Variants in MNS1 observed in about 807,000 individuals in gnomAD.
MNS1 encodes the protein meiosis-specific nuclear structural protein 1.
MNS1 carries 63 observed loss-of-function variants against 72.0 expected under a neutral mutation model. That is an observed-to-expected ratio of 0.87 (90% CI 0.71 to 1.08). The LOEUF (loss-of-function observed/expected upper bound fraction) is 1.08, where lower values mean the gene tolerates loss of function less well. Ranked by LOEUF, MNS1 falls within the 50% of genes least tolerant of loss-of-function variation. The probability of loss-of-function intolerance (pLI) is 0.00; values close to 1 mark genes in which losing one functional copy is unlikely to be tolerated. For synonymous variants in MNS1, 188 were observed against 172.1 expected (o/e 1.09, Z -0.72); for missense variants, 604 against 562.4 (o/e 1.07, Z -0.75).
intron 2 of MNS1, among the ~76,000 whole-genome samples, chr15:56,460,797 TC>T (rs1303133368): frequency 2.6e-5 from 4 of 152,156 alleles, no homozygotes; most frequent in Non-Finnish European, 5.9e-5. Flanking sequence ...TAACAGCGCT[TC>T]CTGGCACAAT....
chr15:56,429,050 C>A lies in MNS1; in HGVS notation c.*51G>T. On this transcript the variant is annotated 3_prime_UTR_variant, in exon 10 of 10. Transcript: ENST00000260453. Reference sequence around the variant, plus strand: ...AACTGTAAAACAAAAGTTATGCTGACATCTAGTGGTAACATGCAAAAAATC... The same window carrying A: ...AACTGTAAAACAAAAGTTATGCTGAAATCTAGTGGTAACATGCAAAAAATC... The A allele has an allele frequency of 8.5e-7, 1 of 1,180,302 alleles. No individual in the cohort carries two copies. Among genetic ancestry groups the A allele is most frequent in the Non-Finnish European group, 1.2e-6 (1 of 823,028 alleles). The allele number at this position is 1,180,302 out of a possible 1,614,324, so 73.1% of individuals were successfully genotyped here.
intron 3 of MNS1, 37 bp from the exon 4 acceptor site, chr15:56,446,980 A>G: frequency 7.0e-7 from 1 of 1,432,110 alleles, no homozygotes; most frequent in South Asian, 1.2e-5. Context: ...AAATGTTAGG[A>G]CCATAAGAGA....
intron 7 of MNS1, among the ~76,000 whole-genome samples, chr15:56,436,338 A>G (rs1024857469): frequency 1.3e-5 from 2 of 152,204 alleles, no homozygotes; most frequent in Admixed American, 6.5e-5. Flanking sequence ...AAAGTGAACA[A>G]CCTGCTCCTG....
chr15:56,431,449 A>G lies in MNS1; in HGVS notation c.1319T>C (p.Ile440Thr). ...CCTTTCTTCTTCAATAATTGCATTA[A>G]TAAATCCTTGCCGCCTTTGCTGCAA... ...WQLQQRRQGF[I>T]NAIIEEERLK... The change falls in exon 9 of 10, where the codon ATT becomes ACT. Residue 440 changes from isoleucine (I) to threonine (T), a missense_variant. By Grantham distance (89) the Ile-to-Thr change is moderately conservative (BLOSUM62 -1). Transcript: ENST00000260453. 1 of 1,613,760 alleles carries G rather than the reference A, an allele frequency of 6.2e-7. No individual in the cohort carries two copies. Among genetic ancestry groups the G allele is most frequent in the Non-Finnish European group, 8.5e-7 (1 of 1,179,908 alleles).
intron 7 of MNS1, among the ~76,000 whole-genome samples, chr15:56,435,662 G>A (rs1272636914): frequency 3.3e-5 from 5 of 151,896 alleles, no homozygotes; most frequent in Admixed American, 2.6e-4. Flanking sequence ...CACTATTAAG[G>A]AGACGGAATT....
chr15:56,443,362 C>A (rs2050851242), intron 7 of MNS1, 68 bp downstream of exon 7: 10 of 1,189,554 alleles, frequency 8.4e-6, no homozygotes, highest in South Asian at 1.7e-5. Context: ...TGTACTATCT[C>A]TTTTCTGCTT....
At chr15:56,432,839 A>G (rs1295975954) in intron 8 of MNS1, among the ~76,000 whole-genome samples, 1 of 151,970 alleles carries the variant, frequency 6.6e-6, no homozygotes, top group Non-Finnish European at 1.5e-5. Flanking sequence ...CATTATTTTG[A>G]CTCCTACTTT....
At chr15:56,434,602 C>G (rs948065073) in intron 7 of MNS1, among the ~76,000 whole-genome samples, 6 of 152,060 alleles carry the variant, frequency 3.9e-5, no homozygotes, top group African/African-American at 1.2e-4. Flanking sequence ...TTCTGTTACT[C>G]ATGAACAAAT....
Position 56,429,109 on chromosome 15 carries a change from C to A in MNS1, c.1480G>T (p.Glu494Ter). The A allele has an allele frequency of 1.9e-6, 3 of 1,586,450 alleles. No individual in the cohort carries two copies. The highest frequency in any genetic ancestry group is 2.6e-6 in the Non-Finnish European group (3 of 1,164,180). The change falls in exon 10 of 10, where the codon GAG (glutamate) becomes TAG (stop). Residue 494 changes from glutamate (E) to a stop codon, truncating the protein, a stop_gained. Coordinates refer to ENST00000260453, the MANE Select transcript of MNS1 (RefSeq NM_018365.4). LOFTEE classifies it high-confidence loss of function. ...VYQQRSEICEEK is the reference protein window; with the variant it reads ...VYQQRSEICE ...ACCCAATTTTGATGATATCATTTCTCTTCACAAATTTCACTCCTTTGTTGA... is the reference window on the plus strand; with the variant it reads ...ACCCAATTTTGATGATATCATTTCTATTCACAAATTTCACTCCTTTGTTGA...
chr15:56,462,018 G>C (rs1258564539), intron 2 of MNS1, among the ~76,000 whole-genome samples: 2 of 139,196 alleles, frequency 1.4e-5, no homozygotes, highest in African/African-American at 2.7e-5. Flanking sequence ...TTTGTGGGGT[G>C]GGGGCAGGGG....
intron 3 of MNS1, among the ~76,000 whole-genome samples, chr15:56,451,861 A>C (rs571808978): frequency 3.3e-5 from 5 of 152,194 alleles, no homozygotes; most frequent in Non-Finnish European, 4.4e-5. Flanking sequence ...ATACCTAAGC[A>C]TATAAAGATT....
Position 56,434,126 on chromosome 15 carries a change from A to G in MNS1, c.1269+12T>C, listed in dbSNP as rs1257999898. On this transcript the variant is annotated intron_variant, in intron 8 of 9. Coordinates refer to ENST00000260453, the MANE Select transcript of MNS1 (RefSeq NM_018365.4). ...TGATAATGACCAAAAAAACCCCACA[A>G]CTTTTTCTTACTTTGTCTGCAAGGA... 1 of 1,605,498 alleles carries G rather than the reference A, an allele frequency of 6.2e-7. No individual in the cohort carries two copies. The highest frequency in any genetic ancestry group is 1.1e-5 in the South Asian group (1 of 89,336).
Position 56,443,439 on chromosome 15 carries a change from G to T in MNS1, c.1002C>A (p.Ser334Arg). Reference sequence around the variant, plus strand: ...CATTTCTGAAACTTACTTTTAGCTTGCTCTTATATATTTCAGCTTGTTCTT... The same window carrying T: ...CATTTCTGAAACTTACTTTTAGCTTTCTCTTATATATTTCAGCTTGTTCTT... ...YQEEQAEIYK[S>R]KLKEEAEKKL... Residue 334 changes from serine to arginine, a missense_variant, in exon 7 of 10, where the codon AGC becomes AGA. Transcript: ENST00000260453. The T allele has an allele frequency of 6.4e-7, 1 of 1,566,178 alleles. No homozygotes were observed. The highest frequency in any genetic ancestry group is 8.6e-7 in the Non-Finnish European group (1 of 1,164,050).
chr15:56,444,659 T>C lies in MNS1; in HGVS notation c.471A>G (p.Glu157=). ...IKYEQMKRDA[E]IAKTMMEEHK... is the part of the protein sequence containing the mutation. ...GTTCTTCCATCATGGTTTTGGCTAT[T>C]TCAGCATCACGTTTCTGTTATTAAA... The change falls in exon 5 of 10, where the codon GAA becomes GAG. Residue 157 remains glutamate (E), a synonymous_variant. Transcript: ENST00000260453. 1 of 1,611,238 alleles carries C rather than the reference T, an allele frequency of 6.2e-7. No individual in the cohort carries two copies.
chr15:56,464,313 T>C (rs898319216), intron 1 of MNS1, 66 bp from the exon 2 acceptor site: 3 of 1,159,592 alleles, frequency 2.6e-6, no homozygotes, highest in Admixed American at 2.2e-5. Flanking sequence ...AAAAATGTAT[T>C]GATATAAACC....
chr15:56,433,443 A>C (rs1477968095), intron 8 of MNS1, among the ~76,000 whole-genome samples: 1 of 152,046 alleles, frequency 6.6e-6, no homozygotes, highest in Non-Finnish European at 1.5e-5. Context: ...ATAATTAAAA[A>C]GATGGAATGA....
Position 56,434,323 on chromosome 15 carries a change from C to T in MNS1, c.1084G>A (p.Glu362Lys), listed in dbSNP as rs759787833. 6.2e-7 allele frequency: 1 copy of T among 1,613,590 alleles called. No homozygotes were observed. Among genetic ancestry groups the T allele is most frequent in the African/African-American group, 1.3e-5 (1 of 74,906 alleles). The change falls in exon 8 of 10, where the codon GAA becomes AAA. Residue 362 changes from glutamate to lysine, a missense_variant. Transcript: ENST00000260453. ...QDFEEQMALK[E>K]LVLQAAKEEE... ...TCTTTTGCAGCCTGTAGCACTAATT[C>T]CTTCAAGGCCATTTGTTCTTCAAAA...
At chr15:56,461,982 T>TG (rs2051025428) in intron 2 of MNS1, among the ~76,000 whole-genome samples, 1 of 103,008 alleles carries the variant, frequency 9.7e-6, no homozygotes, top group African/African-American at 3.4e-5. Context: ...GTTGTTTTTT[T>TG]TTTTTTTTTT....
rs373188287 is a variant in MNS1 at position 56,464,994 on chromosome 15, C to G, written c.-22G>C. 1.2e-4 allele frequency: 195 copies of G among 1,608,860 alleles called. No individual in the cohort carries two copies. Among genetic ancestry groups the G allele is most frequent in the East Asian group, 4.7e-4 (21 of 44,344 alleles). ...CCATCTTGGCTGACGAAAAATACCCCCTCTCGTGGGACCGCGGCCACCACC... is the reference window on the plus strand; with the variant it reads ...CCATCTTGGCTGACGAAAAATACCCGCTCTCGTGGGACCGCGGCCACCACC... On this transcript the variant is annotated 5_prime_UTR_variant, in exon 1 of 10. Coordinates refer to ENST00000260453, the MANE Select transcript of MNS1 (RefSeq NM_018365.4).
Sources: gnomAD v4.1 joint callset for allele counts (sites outside exome capture counted in the v4.1 genomes callset) on GRCh38, gnomAD v4.1.1 for gene constraint, MANE v1.5 for transcripts, NCBI Gene and HGNC (gene_info 2026-07-23, HGNC 2026-07-21) for gene names.